The following USP16 variants were observed in gnomAD, a reference collection of about 807,000 sequenced individuals.
The protein encoded by USP16 is ubiquitin specific peptidase 16.
In USP16, 77 loss-of-function variants were observed where a neutral mutation model predicts 95.9. That is an observed-to-expected ratio of 0.80 (90% CI 0.67 to 0.97). The LOEUF (loss-of-function observed/expected upper bound fraction) is 0.97. Ranked by LOEUF, USP16 falls within the 50% of genes least tolerant of loss-of-function variation. The pLI is 0.00. For synonymous variants in USP16, 303 were observed against 318.2 expected, an observed-to-expected ratio of 0.95 and a Z score of 0.51; for missense variants, 943 against 959.9, an observed-to-expected ratio of 0.98 and a Z score of 0.23.
chr21:29,043,379 A>G (rs2085273109), intron 12 of USP16, 44 bp from the exon 13 acceptor site: 1 of 1,290,730 alleles, frequency 7.7e-7, no homozygotes, highest in Non-Finnish European at 1.0e-6. Flanking sequence ...ACCAAATGGT[A>G]GTTGTAAAAT....
chr21:29,051,369 C>A (rs2085411183), intron 16 of USP16, among the ~76,000 whole-genome samples: 1 of 152,178 alleles, frequency 6.6e-6, no homozygotes, highest in Non-Finnish European at 1.5e-5. Flanking sequence ...ATTTAGAAAT[C>A]AGTACATATG....
intron 3 of USP16, among the ~76,000 whole-genome samples, chr21:29,033,593 A>G (rs1383046853): frequency 6.6e-6 from 1 of 152,258 alleles, no homozygotes; most frequent in African/African-American, 2.4e-5. Flanking sequence ...AAGCCTATAC[A>G]TCTTTTAGGT....
intron 6 of USP16, 102 bp downstream of exon 6, chr21:29,037,565 G>A: frequency 2.2e-6 from 1 of 452,770 alleles, no homozygotes; most frequent in South Asian, 5.4e-5. Flanking sequence ...TTATTTCTAT[G>A]TATCCAAAGA....
intron 12 of USP16, chr21:29,042,805 T>C: frequency 7.2e-6 from 2 of 277,484 alleles, no homozygotes; most frequent in Non-Finnish European, 1.3e-5. Context: ...TTAAAATTAA[T>C]ACTTATTTTT....
rs1055862149 is a variant in USP16 at position 29,054,297 on chromosome 21, C to T, written c.*110C>T. On this transcript the variant is annotated 3_prime_UTR_variant, in exon 18 of 18. Coordinates refer to ENST00000399976, the MANE Select transcript of USP16 (RefSeq NM_006447.3). ...ATGTTCACTTAACATTAAATACATG[C>T]CAGAAGAAATCATGTTTATTTAAAT... is the stretch of plus-strand genomic sequence containing the variant. The T allele has an allele frequency of 1.6e-6, 2 of 1,275,756 alleles. No individual in the cohort carries two copies. The highest frequency in any genetic ancestry group is 2.4e-5 in the East Asian group (1 of 40,904). The allele number at this position is 1,275,756 out of a possible 1,614,324, so 79.0% of individuals were successfully genotyped here.
chr21:29,041,915 A>C, intron 10 of USP16, 98 bp from the exon 11 acceptor site: 1 of 979,318 alleles, frequency 1.0e-6, no homozygotes, highest in Non-Finnish European at 1.5e-6. Context: ...AATTTAAAAT[A>C]AAATTTTAGA....
chr21:29,031,526 C>T (rs1280645150), intron 3 of USP16, among the ~76,000 whole-genome samples: 1 of 152,184 alleles, frequency 6.6e-6, no homozygotes, highest in Non-Finnish European at 1.5e-5. Flanking sequence ...GCAGCCTCCA[C>T]CTCCCAGGTT....
chr21:29,027,789 G>A (rs8133768), intron 1 of USP16, 84 bp from the exon 2 acceptor site: 637,925 of 888,770 alleles, frequency 0.72, 232,030 homozygotes, highest in South Asian at 0.79. Context: ...CATAATATAC[G>A]TGGCTTAGTT....
chr21:29,036,464 C>A, intron 5 of USP16, 90 bp downstream of exon 5: 1 of 1,206,376 alleles, frequency 8.3e-7, no homozygotes, highest in Non-Finnish European at 1.2e-6. Flanking sequence ...GCATTACATA[C>A]AGCTGAGTAA....
rs760824206 is a variant in USP16 at position 29,050,111 on chromosome 21, A to G, written c.2126A>G (p.Lys709Arg). The part of the protein sequence containing the change: ...RFQQAGFNLR[K>R]VNKHIKFPEI... ...TTTTAGGCTGGTTTTAACCTACGCA[A>G]AGTTAACAAACACATAAAGTTTCCG... The change falls in exon 16 of 18, where the codon AAA becomes AGA. Residue 709 changes from lysine to arginine, a missense_variant. Coordinates refer to ENST00000399976, the MANE Select transcript of USP16 (RefSeq NM_006447.3). 6.2e-7 allele frequency: 1 copy of G among 1,613,366 alleles called. No homozygotes were observed. The highest frequency in any genetic ancestry group is 2.2e-5 in the East Asian group (1 of 44,866).
Position 29,047,165 on chromosome 21 carries a change from A to T in USP16, c.1855A>T (p.Thr619Ser), listed in dbSNP as rs779824433. ...TGAAGATCCAGAAACTGCTTTCTGT[A>T]CTCTTGCAAACAGGGAAGTTTTCAA... ...VNEDPETAFC[T>S]LANREVFNTD... is the part of the protein sequence containing the mutation. The change falls in exon 14 of 18, where the codon ACT (threonine) becomes TCT (serine). Residue 619 changes from threonine (T) to serine (S), a missense_variant. Physicochemically the swap from Thr to Ser is moderately conservative, Grantham distance 58 (BLOSUM62 1). Coordinates refer to ENST00000399976, the MANE Select transcript of USP16 (RefSeq NM_006447.3). 1 of 1,614,164 alleles carries T rather than the reference A, an allele frequency of 6.2e-7. No homozygotes were observed. The highest frequency in any genetic ancestry group is 8.5e-7 in the Non-Finnish European group (1 of 1,180,020).
At chr21:29,041,311 AC>A (rs1046904212) in intron 10 of USP16, among the ~76,000 whole-genome samples, 2 of 152,118 alleles carry the variant, frequency 1.3e-5, no homozygotes, top group Non-Finnish European at 2.9e-5. Flanking sequence ...GGAGAGAATT[AC>A]CCCTGCTGGC....
chr21:29,035,957 T>G (rs900731851), intron 4 of USP16, among the ~76,000 whole-genome samples: 1 of 152,158 alleles, frequency 6.6e-6, no homozygotes. Context: ...AAAAAGTTGT[T>G]ATTTTTGTTA....
chr21:29,027,687 C>T (rs577110683), intron 1 of USP16, among the ~76,000 whole-genome samples, 186 bp from the exon 2 acceptor site: 8 of 152,260 alleles, frequency 5.3e-5, no homozygotes, highest in East Asian at 1.9e-4. Context: ...CTATGAAAAA[C>T]GGGAGATAAC....
intron 2 of USP16, among the ~76,000 whole-genome samples, chr21:29,029,434 G>C (rs940904716): frequency 7.9e-5 from 12 of 152,086 alleles, no homozygotes; most frequent in Non-Finnish European, 2.9e-5. Flanking sequence ...AGAAAAAAAA[G>C]GGTACCTTCT....
chr21:29,045,062 C>T (rs958164329), intron 13 of USP16, among the ~76,000 whole-genome samples: 1 of 152,104 alleles, frequency 6.6e-6, no homozygotes, highest in East Asian at 1.9e-4. Flanking sequence ...TATCTCAGTG[C>T]AGTTTTATTT....
chr21:29,051,946 A>G lies in USP16; in HGVS notation c.2193+1768A>G, dbSNP rs933894050. Among the ~76,000 whole-genome samples, 3 of 151,966 alleles carry G rather than the reference A, an allele frequency of 2.0e-5. No individual in the cohort carries two copies. The South Asian group carries it at 6.2e-4, about 31-fold the overall frequency. ...ACTATGACAAGGTACATGATCATTT[A>G]TTATACTTTTGTTTCTTGGCAGTAG... On this transcript the variant is annotated intron_variant, in intron 16 of 17. Transcript: ENST00000399976.
At chr21:29,032,882 T>G (rs972936260) in intron 3 of USP16, among the ~76,000 whole-genome samples, 2 of 152,226 alleles carry the variant, frequency 1.3e-5, no homozygotes, top group Admixed American at 1.3e-4. Context: ...ACCTTTTATA[T>G]TCTTACTAGC....
chr21:29,025,758 C>T, intron 1 of USP16: 1 of 981,328 alleles, frequency 1.0e-6, no homozygotes, highest in Non-Finnish European at 1.2e-6. Flanking sequence ...TTGTAATCAT[C>T]CTTTATGCCT....
Sources: allele counts gnomAD v4.1 joint callset (sites outside exome capture counted in the v4.1 genomes callset), GRCh38; gene constraint gnomAD v4.1.1; transcripts MANE v1.5; gene names NCBI Gene and HGNC (gene_info 2026-07-23, HGNC 2026-07-21).